Variants in GLRB observed in about 807,000 individuals in gnomAD.
GLRB encodes glycine receptor subunit beta.
GLRB carries 33 observed loss-of-function variants against 54.2 expected under a neutral mutation model. The observed-to-expected ratio is 0.61, with a 90% CI of 0.46 to 0.81. The LOEUF is 0.81. Ranked by LOEUF, GLRB falls within the 40% of genes least tolerant of loss-of-function variation. The pLI, the probability that GLRB is intolerant of heterozygous loss-of-function variation, is 0.00. For synonymous variants in GLRB, 209 were observed against 208.2 expected (o/e 1.00, Z -0.03); for missense variants, 572 against 584.6 (o/e 0.98, Z 0.22).
Position 157,148,292 on chromosome 4 carries a change from G to A in GLRB, c.904+4333G>A, listed in dbSNP as rs534693136. ...ATTTTCTTGATCACTCAAGCTAAAG[G>A]ATTTTTTATTTTATCGATATTTTCA... On this transcript the variant is annotated intron_variant, in intron 8 of 9. Transcript: ENST00000264428. Among the ~76,000 whole-genome samples the A allele has an allele frequency of 2.0e-5, 3 of 152,114 alleles. No individual in the cohort carries two copies. In the East Asian group the frequency reaches 5.8e-4, roughly 29 times the overall value.
At chr4:157,153,937 G>A (rs868298719) in intron 9 of GLRB, among the ~76,000 whole-genome samples, 1 of 152,132 alleles carries the variant, frequency 6.6e-6, no homozygotes, top group African/African-American at 2.4e-5. Flanking sequence ...CTAGTATACC[G>A]CATGCGGTTC....
intron 6 of GLRB, among the ~76,000 whole-genome samples, chr4:157,137,995 G>A (rs1245703563): frequency 6.6e-6 from 1 of 152,154 alleles, no homozygotes; most frequent in Non-Finnish European, 1.5e-5. Flanking sequence ...CTGTAATTAT[G>A]TCCCTTTGAG....
At chr4:157,077,670 T>C (rs1198018660) in intron 1 of GLRB, among the ~76,000 whole-genome samples, 1 of 151,740 alleles carries the variant, frequency 6.6e-6, no homozygotes, top group Non-Finnish European at 1.5e-5. Context: ...TTTGATATAC[T>C]GTGCAATTCA....
At chr4:157,108,357 C>G (rs1326172064) in intron 2 of GLRB, among the ~76,000 whole-genome samples, 1 of 152,072 alleles carries the variant, frequency 6.6e-6, no homozygotes, top group Admixed American at 6.6e-5. Context: ...ATTCACTCTT[C>G]TAGATACCAT....
In GLRB at chr4:157,134,689, G is replaced by T. The variant is rs180947362; in HGVS notation, c.298-1780G>T. Among the ~76,000 whole-genome samples, 109 of 152,146 alleles carry T rather than the reference G, an allele frequency of 7.2e-4. 1 individual carries two copies. The highest frequency in any genetic ancestry group is 2.6e-3 in the African/African-American group (106 of 41,532). ...ACCCAAATAATACTGAAATGCTCTTGTCAAGAATAAAGCAATATCTCAACT... is the reference window on the plus strand; with the variant it reads ...ACCCAAATAATACTGAAATGCTCTTTTCAAGAATAAAGCAATATCTCAACT... On this transcript the variant is annotated intron_variant, in intron 4 of 9. Transcript: ENST00000264428.
At chr4:157,085,970 G>T (rs1236629518) in intron 2 of GLRB, among the ~76,000 whole-genome samples, 1 of 151,936 alleles carries the variant, frequency 6.6e-6, no homozygotes, top group Non-Finnish European at 1.5e-5. Flanking sequence ...ATGTATATAT[G>T]AATGTATGTT....
chr4:157,087,218 G>T (rs1413695111), intron 2 of GLRB, among the ~76,000 whole-genome samples: 1 of 152,092 alleles, frequency 6.6e-6, no homozygotes, highest in Non-Finnish European at 1.5e-5. Context: ...TAGATGTTTA[G>T]AGATAAAACA....
intron 2 of GLRB, among the ~76,000 whole-genome samples, chr4:157,083,527 A>G (rs1482324044): frequency 6.6e-6 from 1 of 152,156 alleles, no homozygotes; most frequent in Non-Finnish European, 1.5e-5. Flanking sequence ...TGAGCATTAC[A>G]CAGGCGGTTA....
chr4:157,154,009 T>C (rs1051742672), intron 9 of GLRB, among the ~76,000 whole-genome samples: 5 of 152,162 alleles, frequency 3.3e-5, no homozygotes, highest in African/African-American at 9.7e-5. Flanking sequence ...TAAAAAATGG[T>C]TTAAGTCATT....
At chr4:157,107,398 A>G (rs946610627) in intron 2 of GLRB, among the ~76,000 whole-genome samples, 3 of 152,148 alleles carry the variant, frequency 2.0e-5, no homozygotes, top group African/African-American at 7.2e-5. Context: ...TGTGAATGCT[A>G]AGAAAAAGTT....
chr4:157,099,425 T>C (rs1318817769), intron 2 of GLRB, among the ~76,000 whole-genome samples: 1 of 151,814 alleles, frequency 6.6e-6, no homozygotes, highest in African/African-American at 2.4e-5. Flanking sequence ...CAACTTCTGC[T>C]TCCTGGGTTC....
chr4:157,127,541 T>C (rs976481183), intron 4 of GLRB, among the ~76,000 whole-genome samples: 1 of 151,900 alleles, frequency 6.6e-6, no homozygotes, highest in African/African-American at 2.4e-5. Context: ...TATGCTGTTT[T>C]ATATGTTAAA....
intron 2 of GLRB, among the ~76,000 whole-genome samples, chr4:157,086,174 T>C (rs1256728142): frequency 6.6e-6 from 1 of 152,186 alleles, no homozygotes; most frequent in Non-Finnish European, 1.5e-5. Context: ...GTTCCTAATC[T>C]TCCCTTGCTA....
intron 2 of GLRB, among the ~76,000 whole-genome samples, chr4:157,111,782 C>T (rs1046242379): frequency 4.0e-5 from 6 of 151,876 alleles, no homozygotes; most frequent in Admixed American, 2.0e-4. Context: ...ATTTCTTCAC[C>T]TACTACTTAC....
chr4:157,116,697 T>G (rs1371151956), intron 2 of GLRB, among the ~76,000 whole-genome samples: 3 of 151,748 alleles, frequency 2.0e-5, no homozygotes, highest in Non-Finnish European at 4.4e-5. Context: ...TAATGTTATT[T>G]TAGTATTGAT....
chr4:157,081,548 C>T (rs774785109), intron 2 of GLRB, among the ~76,000 whole-genome samples: 1 of 152,200 alleles, frequency 6.6e-6, no homozygotes, highest in African/African-American at 2.4e-5. Flanking sequence ...TCCACCTTTT[C>T]ATTCATACTA....
At chr4:157,104,572 C>T (rs903499410) in intron 2 of GLRB, among the ~76,000 whole-genome samples, 38 of 151,422 alleles carry the variant, frequency 2.5e-4, no homozygotes, top group African/African-American at 9.0e-4. Context: ...ATATTGGGCT[C>T]ACAAAGACTT....
At chr4:157,108,745 G>A (rs1043881517) in intron 2 of GLRB, among the ~76,000 whole-genome samples, 2 of 152,028 alleles carry the variant, frequency 1.3e-5, no homozygotes, top group Non-Finnish European at 2.9e-5. Flanking sequence ...AGTTTGAGAG[G>A]ATTCACTCCA....
chr4:157,108,636 G>A (rs922936652), intron 2 of GLRB, among the ~76,000 whole-genome samples: 1 of 152,062 alleles, frequency 6.6e-6, no homozygotes, highest in Non-Finnish European at 1.5e-5. Context: ...TCCTGAAATG[G>A]ACTCTACTCA....
Sources: gnomAD v4.1 joint callset for allele counts (sites outside exome capture counted in the v4.1 genomes callset) on GRCh38, gnomAD v4.1.1 for gene constraint, MANE v1.5 for transcripts, NCBI Gene and HGNC (gene_info 2026-07-23, HGNC 2026-07-21) for gene names.